The following POLD3 variants were observed in gnomAD, a reference collection of about 807,000 sequenced individuals.
The protein encoded by POLD3 is DNA polymerase delta subunit 3.
Under a neutral mutation model 58.2 loss-of-function variants are expected in POLD3, and 19 were observed. The ratio of observed to expected loss-of-function variants is 0.33; its 90% CI spans 0.23 to 0.48. The LOEUF is 0.48. Ranked by LOEUF, POLD3 falls within the 20% of genes least tolerant of loss-of-function variation. The pLI is 0.99. For missense variants in POLD3, 504 were observed against 545.5 expected (o/e 0.92, Z 0.76); for synonymous variants, 172 against 193.5 (o/e 0.89, Z 0.92).
At chr11:74,666,152 G>T (rs940789984) in intron 4 of POLD3, among the ~76,000 whole-genome samples, 1 of 152,174 alleles carries the variant, frequency 6.6e-6, no homozygotes, top group Non-Finnish European at 1.5e-5. Context: ...ATTTACAATG[G>T]TATCAAAAAG....
chr11:74,646,778 G>T (rs560821542), downstream of POLD3, among the ~76,000 whole-genome samples: 1 of 152,172 alleles, frequency 6.6e-6, no homozygotes, highest in Non-Finnish European at 1.5e-5. Flanking sequence ...CTTGCAAGTG[G>T]GTTAGGCCAG....
intron 4 of POLD3, among the ~76,000 whole-genome samples, chr11:74,654,577 T>C (rs943863431): frequency 6.6e-6 from 1 of 152,176 alleles, no homozygotes; most frequent in Admixed American, 6.5e-5. Context: ...TTGAGAAGCA[T>C]TTATTCGTGA....
rs151016236 is a variant in POLD3, at chr11:74,635,858, C to A, written c.1120-339C>A. On this transcript the variant is annotated intron_variant, in intron 10 of 11. Coordinates refer to ENST00000263681, the MANE Select transcript of POLD3 (RefSeq NM_006591.3). ...TGTATTGCAGTGGTCTGCTTTCCTT[C>A]TCTCTCTCCTCCACTAAGGTCCTTA... is the stretch of plus-strand genomic sequence containing the variant. Among the ~76,000 whole-genome samples, 933 of 152,332 alleles carry A rather than the reference C, an allele frequency of 6.1e-3. 3 individuals are homozygous for A. Among genetic ancestry groups the A allele is most frequent in the Middle Eastern group, 0.014 (4 of 294 alleles).
chr11:74,667,048 G>A (rs1215098120), intron 4 of POLD3, among the ~76,000 whole-genome samples: 1 of 151,880 alleles, frequency 6.6e-6, no homozygotes, highest in Non-Finnish European at 1.5e-5. Flanking sequence ...GGGACAACTG[G>A]ATATCCACAT....
rs1200406015 is a variant in POLD3, at chr11:74,640,620, A to C, written c.1255A>C (p.Met419Leu). 1 of 1,607,644 alleles carries C rather than the reference A, an allele frequency of 6.2e-7. No homozygotes were observed. The highest frequency in any genetic ancestry group is 8.5e-7 in the Non-Finnish European group (1 of 1,177,334). The part of the protein sequence containing the change: ...SCTDSEEELN[M>L]KTSSVHRPPA... ...CACAGATAGTGAAGAGGAGCTTAAC[A>C]TGAAGACATCCTCAGTACACAGACC... The change falls in exon 12 of 12, where the codon ATG (methionine) becomes CTG (leucine). Residue 419 changes from methionine (M) to leucine (L), a missense_variant. Met to Leu is a conservative substitution (Grantham distance 15, BLOSUM62 2). Coordinates refer to ENST00000263681, the MANE Select transcript of POLD3 (RefSeq NM_006591.3).
chr11:74,663,386 A>C (rs1472959392), intron 4 of POLD3, among the ~76,000 whole-genome samples: 1 of 152,238 alleles, frequency 6.6e-6, no homozygotes, highest in African/African-American at 2.4e-5. Context: ...GAAGTTCTAA[A>C]ATTTGCATGG....
At chr11:74,622,960 A>C (rs762797118) in intron 7 of POLD3, among the ~76,000 whole-genome samples, 19 of 152,260 alleles carry the variant, frequency 1.2e-4, no homozygotes, top group Non-Finnish European at 2.2e-4. Flanking sequence ...ATGAATGGAT[A>C]AACAAAGGTG....
intron 2 of POLD3, among the ~76,000 whole-genome samples, chr11:74,597,171 A>ACC (rs1317301297): frequency 6.6e-6 from 1 of 152,198 alleles, no homozygotes; most frequent in Non-Finnish European, 1.5e-5. Context: ...GAACCTCCAT[A>ACC]CCGTTTTACA....
At chr11:74,623,950 C>T (rs1177428158) in intron 7 of POLD3, among the ~76,000 whole-genome samples, 1 of 152,156 alleles carries the variant, frequency 6.6e-6, no homozygotes, top group East Asian at 1.9e-4. Context: ...ACTCTGGATG[C>T]TGAATCTAAT....
chr11:74,621,964 C>T (rs973654511), intron 7 of POLD3, among the ~76,000 whole-genome samples: 2 of 151,938 alleles, frequency 1.3e-5, no homozygotes, highest in African/African-American at 4.8e-5. Flanking sequence ...TGGTGTGCTG[C>T]ACCCATTAAC....
At chr11:74,667,478 C>G (rs1257285086) in intron 4 of POLD3, among the ~76,000 whole-genome samples, 2 of 152,020 alleles carry the variant, frequency 1.3e-5, no homozygotes, top group South Asian at 2.1e-4. Context: ...TGCAGTGAGC[C>G]GAGATCGCGC....
Position 74,640,553 on chromosome 11 carries a change from C to A in POLD3, c.1199-11C>A. 1 of 1,479,116 alleles carries A rather than the reference C, an allele frequency of 6.8e-7. No homozygotes were observed. The highest frequency in any genetic ancestry group is 9.0e-7 in the Non-Finnish European group (1 of 1,114,106). 91.6% of individuals were successfully genotyped at this position (1,479,116 alleles called of 1,614,324 possible). ...GCCCACCCATGTTCCATTTTTTTCT[C>A]ATCCTACCAGTGACTGAAAAAGTCT... On this transcript the variant is annotated splice_polypyrimidine_tract_variant and intron_variant, in intron 11 of 11. Transcript: ENST00000263681.
intron 1 of POLD3, chr11:74,592,930 G>A: frequency 7.1e-7 from 1 of 1,410,326 alleles, no homozygotes; most frequent in Non-Finnish European, 9.2e-7. Context: ...CGCGTCCCTT[G>A]GGTGGGCGTG....
chr11:74,618,747 T>C lies in POLD3; in HGVS notation c.603T>C (p.Ala201=). 6.2e-7 allele frequency: 1 copy of C among 1,614,096 alleles called. No homozygotes were observed. The highest frequency in any genetic ancestry group is 1.1e-5 in the South Asian group (1 of 91,072). Residue 201 remains alanine, a synonymous_variant, in exon 6 of 12, where the codon GCT becomes GCC. Transcript: ENST00000263681. The part of the protein sequence containing the change: ...GIMGMFASKA[A]AKTQETNKET... ...TGGGAATGTTTGCCTCCAAAGCTGC[T>C]GCTAAAACCCAAGAAACCAACAAGG...
chr11:74,626,625 G>C (rs2135162271), intron 8 of POLD3, among the ~76,000 whole-genome samples: 1 of 152,282 alleles, frequency 6.6e-6, no homozygotes, highest in East Asian at 1.9e-4. Flanking sequence ...GATTAGATTT[G>C]TTAATATTAC....
At chr11:74,654,057 A>G (rs1218562119) in intron 4 of POLD3, among the ~76,000 whole-genome samples, 1 of 152,152 alleles carries the variant, frequency 6.6e-6, no homozygotes, top group Non-Finnish European at 1.5e-5. Context: ...AGGACTTACT[A>G]TTGGGAGGAC....
chr11:74,610,632 G>A (rs545032134), intron 3 of POLD3, among the ~76,000 whole-genome samples: 2 of 148,214 alleles, frequency 1.3e-5, no homozygotes, highest in Admixed American at 6.7e-5. Flanking sequence ...TTGTACTTAC[G>A]TTTTTTTTTC....
chr11:74,640,417 C>A, intron 11 of POLD3, 147 bp from the exon 12 acceptor site: 1 of 897,284 alleles, frequency 1.1e-6, no homozygotes, highest in African/African-American at 1.7e-5. Context: ...TAGATCTGAT[C>A]TCCCAGTGGG....
chr11:74,599,667 C>CGG (rs2031413472), intron 2 of POLD3, among the ~76,000 whole-genome samples: 1 of 151,796 alleles, frequency 6.6e-6, no homozygotes, highest in Non-Finnish European at 1.5e-5. Context: ...TGGCCTCATA[C>CGG]TGTTTTTTTT....
Sources: allele counts gnomAD v4.1 joint callset (sites outside exome capture counted in the v4.1 genomes callset), GRCh38; gene constraint gnomAD v4.1.1; transcripts MANE v1.5; gene names NCBI Gene and HGNC (gene_info 2026-07-23, HGNC 2026-07-21).